CDH20: variants seen among roughly 807,000 people sequenced by gnomAD.
The protein encoded by CDH20 is cadherin 20.
Under a neutral mutation model 74.2 loss-of-function variants are expected in CDH20, and 29 were observed. The ratio of observed to expected loss-of-function variants is 0.39; its 90% CI spans 0.29 to 0.53. The LOEUF (loss-of-function observed/expected upper bound fraction) is 0.53. CDH20 is among the 20% of genes least tolerant of loss of function. The pLI is 0.69. For missense variants in CDH20, 988 were observed against 1,048.3 expected (o/e 0.94, Z 0.79); for synonymous variants, 469 against 405.4 (o/e 1.16, Z -1.88).
At chr18:61,444,456 T>C (rs113042124) in intron 1 of CDH20, among the ~76,000 whole-genome samples, 90 of 152,354 alleles carry the variant, frequency 5.9e-4, no homozygotes, top group Non-Finnish European at 1.1e-3. Flanking sequence ...TGGGATATGC[T>C]TGAAGGCTAA....
intron 1 of CDH20, among the ~76,000 whole-genome samples, chr18:61,481,810 A>G (rs1910599474): frequency 6.6e-6 from 1 of 152,124 alleles, no homozygotes. Flanking sequence ...CCAGCCTTCC[A>G]AAGTGCTAGG....
chr18:61,505,234 A>T (rs1309295597), intron 5 of CDH20, among the ~76,000 whole-genome samples: 1 of 152,164 alleles, frequency 6.6e-6, no homozygotes, highest in Non-Finnish European at 1.5e-5. Context: ...GGATTCGGAC[A>T]TATTGCCGGG....
intron 1 of CDH20, among the ~76,000 whole-genome samples, chr18:61,351,856 T>C (rs1910317408): frequency 6.6e-6 from 1 of 152,140 alleles, no homozygotes; most frequent in African/African-American, 2.4e-5. Context: ...TCCTGTCACA[T>C]GGTAGATTCT....
chr18:61,344,768 G>A (rs1023318147), intron 1 of CDH20, among the ~76,000 whole-genome samples: 1 of 152,106 alleles, frequency 6.6e-6, no homozygotes, highest in African/African-American at 2.4e-5. Flanking sequence ...TAGAACCTAG[G>A]TCTCCAGACT....
At chr18:61,441,165 C>T (rs559980385) in intron 1 of CDH20, among the ~76,000 whole-genome samples, 1 of 152,174 alleles carries the variant, frequency 6.6e-6, no homozygotes, top group Admixed American at 6.5e-5. Context: ...TATAATAGCC[C>T]TCTAATAATC....
Position 61,554,880 on chromosome 18 carries a change from C to G in CDH20, c.*185C>G. On this transcript the variant is annotated 3_prime_UTR_variant, in exon 12 of 12. Coordinates refer to ENST00000262717, the MANE Select transcript of CDH20 (RefSeq NM_031891.4). ...ATTAAGTTAAATAAGCAAAAGGAAACCCAGAAGGAAGAGGGCAGAATCTTT... is the reference window on the plus strand; with the variant it reads ...ATTAAGTTAAATAAGCAAAAGGAAAGCCAGAAGGAAGAGGGCAGAATCTTT... The G allele has an allele frequency of 7.2e-7, 1 of 1,396,088 alleles. No homozygotes were observed. The highest frequency in any genetic ancestry group is 9.3e-7 in the Non-Finnish European group (1 of 1,077,240). The allele number at this position is 1,396,088 out of a possible 1,614,324, so 86.5% of individuals were successfully genotyped here. A position where few individuals can be genotyped will look rare whatever the true frequency, so the allele number is the denominator to read the frequency against.
At chr18:61,376,148 T>A (rs976782459) in intron 1 of CDH20, among the ~76,000 whole-genome samples, 8 of 152,104 alleles carry the variant, frequency 5.3e-5, no homozygotes, top group African/African-American at 1.9e-4. Context: ...AGTAGTCTAG[T>A]GACTAGGATT....
chr18:61,528,043 T>C lies in CDH20; in HGVS notation c.1094T>C (p.Leu365Pro). 1 of 1,614,200 alleles carries C rather than the reference T, an allele frequency of 6.2e-7. No individual in the cohort carries two copies. Among genetic ancestry groups the C allele is most frequent in the African/African-American group, 1.3e-5 (1 of 75,062 alleles). ...AATCCTCACCTAGAGATGCGTTTTCTGAACTTGGGCCCATTTCAGGACACA... is the reference window on the plus strand; with the variant it reads ...AATCCTCACCTAGAGATGCGTTTTCCGAACTTGGGCCCATTTCAGGACACA... The part of the protein sequence containing the change: ...GANPHLEMRF[L>P]NLGPFQDTTT... The change falls in exon 7 of 12, where the codon CTG becomes CCG. Residue 365 changes from leucine to proline, a missense_variant. By Grantham distance (98) the Leu-to-Pro change is moderately conservative. Around this residue, in one of 2 missense-constraint regions of CDH20, gnomAD observed 613 missense variants for 755.2 expected, o/e 0.81. Coordinates refer to ENST00000262717, the MANE Select transcript of CDH20 (RefSeq NM_031891.4).
intron 1 of CDH20, among the ~76,000 whole-genome samples, chr18:61,423,883 C>T (rs1912977598): frequency 6.6e-6 from 1 of 152,164 alleles, no homozygotes; most frequent in Non-Finnish European, 1.5e-5. Flanking sequence ...ATAGCATATG[C>T]ACAGAGACAA....
At position 61,554,196 on chromosome 18, in the gene CDH20, T is replaced by A. The variant is rs1913537053; in HGVS notation, c.1907T>A (p.Val636Glu). Residue 636 changes from valine to glutamate, a missense_variant, in exon 12 of 12, where the codon GTG becomes GAG. Coordinates refer to ENST00000262717, the MANE Select transcript of CDH20 (RefSeq NM_031891.4). ...TCCTTTTTGTTCCTGGCAGTGCTGG[T>A]GTTGCTCATTTTGTCCATGAGGCGG... Reference protein sequence around the residue: ...LACIFVLLVLVLLILSMRRHR... With the variant: ...LACIFVLLVLELLILSMRRHR... The A allele has an allele frequency of 2.5e-6, 4 of 1,609,074 alleles. No individual in the cohort carries two copies. Among genetic ancestry groups the A allele is most frequent in the Non-Finnish European group, 3.4e-6 (4 of 1,176,150 alleles).
intron 8 of CDH20, 60 bp from the exon 9 acceptor site, chr18:61,538,963 TC>T: frequency 9.0e-7 from 1 of 1,109,582 alleles, no homozygotes; most frequent in Admixed American, 2.4e-5. Context: ...AAACCATTAC[TC>T]TTTTTTTTCT....
chr18:61,445,541 T>C (rs182121963), intron 1 of CDH20, among the ~76,000 whole-genome samples: 2 of 152,300 alleles, frequency 1.3e-5, no homozygotes, highest in East Asian at 1.9e-4. Flanking sequence ...ATTTTAAAGA[T>C]AGGAAAAATG....
chr18:61,413,821 A>G (rs17068289), intron 1 of CDH20, among the ~76,000 whole-genome samples: 15,719 of 152,164 alleles, frequency 0.1, 951 homozygotes, highest in African/African-American at 0.14. Flanking sequence ...GGTAACATGA[A>G]GCATACAAAT....
At position 61,449,149 on chromosome 18, in the gene CDH20, C is replaced by G. The variant is rs960542153; in HGVS notation, c.-152-41253C>G. 2.0e-5 allele frequency among the ~76,000 whole-genome samples: 3 copies of G among 152,300 alleles called. No individual in the cohort carries two copies. The East Asian group carries it at 5.8e-4, about 29-fold the overall frequency. On this transcript the variant is annotated intron_variant, in intron 1 of 11. Transcript: ENST00000262717. ...GCCCAAACCCTCCACCTTTACCACTCAAACCTATAACGACCTCATTTAATT... is the reference window on the plus strand; with the variant it reads ...GCCCAAACCCTCCACCTTTACCACTGAAACCTATAACGACCTCATTTAATT...
chr18:61,554,299 C>T lies in CDH20; in HGVS notation c.2010C>T (p.Gly670=). 1 of 1,613,878 alleles carries T rather than the reference C, an allele frequency of 6.2e-7. No homozygotes were observed. The highest frequency in any genetic ancestry group is 2.2e-5 in the East Asian group (1 of 44,878). ...TCGTCCGCTACGACGACGAGGGCGG[C>T]GGCGAGGAGGACACCGAGGCCTTCG... ...ENIVRYDDEG[G]GEEDTEAFDI... The change falls in exon 12 of 12, where the codon GGC becomes GGT. Residue 670 remains glycine, a synonymous_variant. Transcript: ENST00000262717.
At chr18:61,392,155 A>T (rs1339458702) in intron 1 of CDH20, among the ~76,000 whole-genome samples, 1 of 151,772 alleles carries the variant, frequency 6.6e-6, no homozygotes, top group Non-Finnish European at 1.5e-5. Flanking sequence ...TGCTCTAGTG[A>T]CCTTTTCAGT....
intron 6 of CDH20, among the ~76,000 whole-genome samples, chr18:61,525,619 G>T (rs1357745504): frequency 3.3e-5 from 5 of 152,098 alleles, no homozygotes; most frequent in Admixed American, 3.3e-4. Flanking sequence ...TCTTGGTTTG[G>T]ATGGAAATGG....
At chr18:61,454,023 A>G (rs988033848) in intron 1 of CDH20, among the ~76,000 whole-genome samples, 16 of 152,156 alleles carry the variant, frequency 1.1e-4, no homozygotes, top group African/African-American at 3.6e-4. Flanking sequence ...GCACTATGTC[A>G]TAGTGGCTTT....
intron 6 of CDH20, among the ~76,000 whole-genome samples, chr18:61,520,035 G>C (rs1317721100): frequency 1.3e-5 from 2 of 150,162 alleles, no homozygotes; most frequent in Non-Finnish European, 3.0e-5. Context: ...AAGACAAAAA[G>C]GCCAGGCGTG....
Sources: allele counts gnomAD v4.1 joint callset (sites outside exome capture counted in the v4.1 genomes callset), GRCh38; gene constraint gnomAD v4.1.1; regional missense constraint gnomAD v4.1.1; transcripts MANE v1.5; gene names NCBI Gene and HGNC (gene_info 2026-07-23, HGNC 2026-07-21).